BBS9: variants seen among roughly 807,000 people sequenced by gnomAD.
BBS9 encodes protein PTHB1.
A neutral mutation model predicts 117.7 loss-of-function variants in BBS9; 89 were observed. The observed-to-expected ratio is 0.76, with a 90% CI of 0.64 to 0.90. The LOEUF (loss-of-function observed/expected upper bound fraction) is 0.90, where lower values mean the gene tolerates loss of function less well. BBS9 is among the 40% of genes least tolerant of loss of function. The probability of loss-of-function intolerance (pLI) is 0.00; values close to 1 mark genes in which losing one functional copy is unlikely to be tolerated. For missense variants in BBS9, 982 were observed against 1,042.2 expected (o/e 0.94, Z 0.80); for synonymous variants, 379 against 370.9 (o/e 1.02, Z -0.25).
At chr7:33,185,096 TA>T (rs1454003286) in intron 5 of BBS9, among the ~76,000 whole-genome samples, 1 of 152,158 alleles carries the variant, frequency 6.6e-6, no homozygotes, top group Non-Finnish European at 1.5e-5. Context: ...GCATTATAAT[TA>T]GTGATAATGA....
At chr7:33,475,692 A>C (rs1841706731) in intron 19 of BBS9, among the ~76,000 whole-genome samples, 1 of 152,112 alleles carries the variant, frequency 6.6e-6, no homozygotes, top group Admixed American at 6.5e-5. Context: ...TCCCTTAGAC[A>C]TAGACTTTTC....
intron 21 of BBS9, among the ~76,000 whole-genome samples, chr7:33,540,496 G>A (rs1342037407): frequency 2.0e-5 from 3 of 152,142 alleles, no homozygotes; most frequent in South Asian, 2.1e-4. Context: ...CTGCGTGTTA[G>A]AATTACAGGT....
At chr7:33,611,686 ATAAT>A (rs201246421) in intron 21 of BBS9, among the ~76,000 whole-genome samples, 3,010 of 138,048 alleles carry the variant, frequency 0.022, 53 homozygotes, top group Middle Eastern at 0.034. Context: ...TCCTTAATTA[ATAAT>A]TAATATTAAT....
At chr7:33,349,018 A>C in intron 12 of BBS9, 50 bp from the exon 13 acceptor site, 2 of 1,252,782 alleles carry the variant, frequency 1.6e-6, no homozygotes, top group Non-Finnish European at 2.3e-6. Context: ...ATAGTCTATC[A>C]GTTTGAATAA....
At chr7:33,603,167 G>A (rs1465387667) in intron 21 of BBS9, among the ~76,000 whole-genome samples, 1 of 152,088 alleles carries the variant, frequency 6.6e-6, no homozygotes, top group Non-Finnish European at 1.5e-5. Context: ...GTTGTCTTGT[G>A]TGTGAAGGCC....
At chr7:33,451,297 C>T (rs1017475203) in intron 19 of BBS9, among the ~76,000 whole-genome samples, 1 of 152,096 alleles carries the variant, frequency 6.6e-6, no homozygotes, top group Non-Finnish European at 1.5e-5. Context: ...AAGCTTTTCC[C>T]CTATGTTTTC....
chr7:33,327,298 T>A (rs368294556), intron 9 of BBS9, among the ~76,000 whole-genome samples: 138 of 152,252 alleles, frequency 9.1e-4, no homozygotes, highest in African/African-American at 3.3e-3. Context: ...CACCGGAGGA[T>A]TATAAGGTAA....
chr7:33,592,335 A>G (rs1242496793), intron 21 of BBS9, among the ~76,000 whole-genome samples: 2 of 152,094 alleles, frequency 1.3e-5, no homozygotes, highest in Admixed American at 1.3e-4. Flanking sequence ...TATTTTCTGC[A>G]TTGAAAGGAA....
At chr7:33,585,143 G>C (rs1396714208) in intron 21 of BBS9, among the ~76,000 whole-genome samples, 2 of 152,006 alleles carry the variant, frequency 1.3e-5, no homozygotes, top group African/African-American at 4.8e-5. Flanking sequence ...ATCCACCAAT[G>C]CTGAATTCTT....
chr7:33,629,305 G>C (rs189644662), intron 21 of BBS9, among the ~76,000 whole-genome samples: 73 of 152,176 alleles, frequency 4.8e-4, no homozygotes, highest in Admixed American at 1.4e-3. Context: ...ATCCTGCATG[G>C]GGGGGTTCTT....
At chr7:33,267,377 C>T (rs73309328) in intron 7 of BBS9, among the ~76,000 whole-genome samples, 12,836 of 152,046 alleles carry the variant, frequency 0.084, 576 homozygotes, top group South Asian at 0.13. Context: ...GATATATACT[C>T]TGCCATTTAA....
chr7:33,379,721 T>C (rs1436087327), intron 17 of BBS9, among the ~76,000 whole-genome samples: 1 of 152,240 alleles, frequency 6.6e-6, no homozygotes, highest in Non-Finnish European at 1.5e-5. Flanking sequence ...TATTTTATAA[T>C]AAATTGGGGA....
At chr7:33,577,453 G>A (rs961877921) in intron 21 of BBS9, among the ~76,000 whole-genome samples, 1 of 152,196 alleles carries the variant, frequency 6.6e-6, no homozygotes, top group Non-Finnish European at 1.5e-5. Context: ...CACTGTTGGT[G>A]GGAGTGTAAA....
At chr7:33,467,023 CTCTCTCTCTT>C (rs1482921002) in intron 19 of BBS9, among the ~76,000 whole-genome samples, 2 of 105,402 alleles carry the variant, frequency 1.9e-5, no homozygotes, top group Middle Eastern at 4.3e-3. Context: ...CTCTCTCTCT[CTCTCTCTCTT>C]ATGACAACCA....
chr7:33,246,058 G>T (rs1795280902), intron 5 of BBS9, among the ~76,000 whole-genome samples: 1 of 152,060 alleles, frequency 6.6e-6, no homozygotes, highest in South Asian at 2.1e-4. Flanking sequence ...GAATATTTTG[G>T]TATATTTGTA....
intron 9 of BBS9, among the ~76,000 whole-genome samples, chr7:33,312,473 G>A (rs1026051113): frequency 1.5e-4 from 23 of 151,832 alleles, no homozygotes; most frequent in African/African-American, 4.6e-4. Flanking sequence ...TTCAAATGCC[G>A]CATAGATATT....
chr7:33,510,217 A>G (rs995666427), intron 20 of BBS9, among the ~76,000 whole-genome samples: 2 of 152,068 alleles, frequency 1.3e-5, no homozygotes, highest in Non-Finnish European at 2.9e-5. Context: ...TTTAAAATAA[A>G]TTGTTTTCAT....
At position 33,177,522 on chromosome 7, in the gene BBS9, T is replaced by C. The variant is rs2128162874; in HGVS notation, c.373T>C (p.Leu125=). The change falls in exon 5 of 23, where the codon TTG becomes CTG. Residue 125 remains leucine (L), a synonymous_variant. Coordinates refer to ENST00000242067, the MANE Select transcript of BBS9 (RefSeq NM_198428.3). ...VEHGNQCQMK[L]MYEHNLQRTA... is the part of the protein sequence containing the mutation. ...ACATGGGAACCAATGTCAGATGAAA[T>C]TGATGTATGAACATAATCTTCAGAG... The C allele has an allele frequency of 1.2e-6, 2 of 1,613,490 alleles. No individual in the cohort carries two copies. Among genetic ancestry groups the C allele is most frequent in the African/African-American group, 2.7e-5 (2 of 74,968 alleles).
chr7:33,253,231 G>A (rs1157589959), intron 5 of BBS9, among the ~76,000 whole-genome samples: 1 of 152,202 alleles, frequency 6.6e-6, no homozygotes, highest in African/African-American at 2.4e-5. Flanking sequence ...ATGCTGGATG[G>A]ATCTTTAGGC....
Sources: allele counts gnomAD v4.1 joint callset (sites outside exome capture counted in the v4.1 genomes callset), GRCh38; gene constraint gnomAD v4.1.1; transcripts MANE v1.5; gene names NCBI Gene and HGNC (gene_info 2026-07-23, HGNC 2026-07-21).